MERTK: variants seen among roughly 807,000 people sequenced by gnomAD.
MERTK encodes the protein tyrosine-protein kinase Mer.
MERTK carries 69 observed loss-of-function variants against 99.3 expected under a neutral mutation model. The observed-to-expected ratio is 0.70, with a 90% confidence interval of 0.57 to 0.85. The LOEUF is 0.85. Among genes scored for constraint, MERTK ranks in the 40% least tolerant of loss-of-function variants. MERTK has a pLI of 0.00. For missense variants in MERTK, 1,125 were observed against 1,249.4 expected (o/e 0.90, Z 1.50); for synonymous variants, 426 against 467.6 (o/e 0.91, Z 1.15).
At chr2:111,956,716 G>A (rs1373478686) in intron 4 of MERTK, among the ~76,000 whole-genome samples, 1 of 152,144 alleles carries the variant, frequency 6.6e-6, no homozygotes, top group East Asian at 1.9e-4. Flanking sequence ...CTGATGTGCA[G>A]TGGCGTGATC....
chr2:112,020,732 G>A lies in MERTK; in HGVS notation c.2190-690G>A, dbSNP rs987074152. On this transcript the variant is annotated intron_variant, in intron 16 of 18. Coordinates refer to ENST00000295408, the MANE Select transcript of MERTK (RefSeq NM_006343.3). ...CAGTGCTGCTTCCAGACCTCTGGGA[G>A]GAAGGCTGCTGGGGTCCTGGATCAG... 1.7e-5 allele frequency: 8 copies of A among 468,828 alleles called. 1 individual carries two copies. In the Admixed American group the frequency reaches 1.9e-4, roughly 11 times the overall value. 29.0% of individuals were successfully genotyped at this position (468,828 alleles called of 1,614,324 possible).
chr2:111,968,097 T>A (rs139569463), intron 5 of MERTK, 40 bp from the exon 6 acceptor site: 1 of 800,054 alleles, frequency 1.2e-6, no homozygotes, highest in Non-Finnish European at 1.8e-6. Context: ...ATAATTGTGT[T>A]TGTGTGTGTA....
chr2:111,985,754 G>T (rs1051386184), intron 8 of MERTK, among the ~76,000 whole-genome samples: 1 of 152,018 alleles, frequency 6.6e-6, no homozygotes, highest in African/African-American at 2.4e-5. Context: ...AGAACAGCAC[G>T]GGAAAACCCC....
At position 111,997,495 on chromosome 2, in the gene MERTK, A is replaced by T. The variant is rs755544970; in HGVS notation, c.1604+19A>T. On this transcript the variant is annotated intron_variant, in intron 10 of 18. Coordinates refer to ENST00000295408, the MANE Select transcript of MERTK (RefSeq NM_006343.3). ...AGTTTGGGTAAGTCTCCCAGCTAAAAATGTTTGCCCACTGGTATTGACAAG... is the reference window on the plus strand; with the variant it reads ...AGTTTGGGTAAGTCTCCCAGCTAAATATGTTTGCCCACTGGTATTGACAAG... 3 of 1,612,054 alleles carry T rather than the reference A, an allele frequency of 1.9e-6. No homozygotes were observed. In the South Asian group the frequency reaches 3.3e-5, roughly 18 times the overall value.
rs778452635 is a variant in MERTK, at chr2:111,929,100, T to G, written c.62-20T>G. On this transcript the variant is annotated intron_variant, in intron 1 of 18. Coordinates refer to ENST00000295408, the MANE Select transcript of MERTK (RefSeq NM_006343.3). ...CTCTTCTTATTTAAAAGGCTAAAAT[T>G]TGGATGTTCTGTTTTACAGCTATCA... is the stretch of plus-strand genomic sequence containing the variant. The G allele has an allele frequency of 2.5e-6, 4 of 1,613,972 alleles. No homozygotes were observed. In the African/African-American group the frequency reaches 5.3e-5, roughly 22 times the overall value.
chr2:111,985,343 C>CTGGGAAAGGAAGAGAAGG (rs1676454266), intron 8 of MERTK, among the ~76,000 whole-genome samples: 1 of 152,096 alleles, frequency 6.6e-6, no homozygotes, highest in Non-Finnish European at 1.5e-5. Context: ...CCCTTCCCAC[C>CTGGGAAAGGAAGAGAAGG]TGGGAAAGGA....
intron 1 of MERTK, among the ~76,000 whole-genome samples, chr2:111,928,679 T>A (rs1465798276): frequency 6.6e-6 from 1 of 152,004 alleles, no homozygotes; most frequent in Non-Finnish European, 1.5e-5. Flanking sequence ...AGAGACAGGT[T>A]TTTGCCATGT....
intron 15 of MERTK, among the ~76,000 whole-genome samples, chr2:112,015,315 A>G (rs1677195684): frequency 2.0e-5 from 3 of 152,148 alleles, no homozygotes; most frequent in Admixed American, 2.0e-4. Context: ...AGTGCTCCCC[A>G]TTCTTATTAG....
chr2:112,026,354 A>G (rs1175110776), intron 18 of MERTK, among the ~76,000 whole-genome samples: 5 of 152,230 alleles, frequency 3.3e-5, no homozygotes, highest in Non-Finnish European at 7.3e-5. Flanking sequence ...CTCCTAAGAC[A>G]TGAAATAAAT....
intron 2 of MERTK, among the ~76,000 whole-genome samples, chr2:111,933,875 C>T (rs1273802357): frequency 7.3e-6 from 1 of 137,726 alleles, no homozygotes; most frequent in Non-Finnish European, 1.6e-5. Context: ...CCCCCAGCCC[C>T]CCCACCCCAA....
chr2:111,932,221 G>A (rs1383083235), intron 2 of MERTK, among the ~76,000 whole-genome samples: 2 of 151,996 alleles, frequency 1.3e-5, no homozygotes, highest in African/African-American at 4.8e-5. Context: ...TTGCTCTGTC[G>A]CCCAGGCTGG....
At chr2:112,010,802 A>G (rs1377909805) in intron 15 of MERTK, among the ~76,000 whole-genome samples, 5 of 152,226 alleles carry the variant, frequency 3.3e-5, no homozygotes, top group Admixed American at 6.5e-5. Context: ...GACTGCGAGC[A>G]GGCGGTGTGT....
chr2:111,901,792 C>T (rs374747303), intron 1 of MERTK, among the ~76,000 whole-genome samples: 2 of 151,682 alleles, frequency 1.3e-5, no homozygotes, highest in Non-Finnish European at 2.9e-5. Flanking sequence ...TGGGCTCAAG[C>T]GATCTTCCCA....
In MERTK at chr2:112,008,436, A is replaced by G; in HGVS notation, c.1921A>G (p.Met641Val). 1 of 1,614,186 alleles carries G rather than the reference A, an allele frequency of 6.2e-7. No individual in the cohort carries two copies. Among genetic ancestry groups the G allele is most frequent in the Non-Finnish European group, 8.5e-7 (1 of 1,180,032 alleles). ...GGAGTTTCTCAGTGAGGCAGCGTGCATGAAAGACTTCAGCCACCCAAATGT... is the reference window on the plus strand; with the variant it reads ...GGAGTTTCTCAGTGAGGCAGCGTGCGTGAAAGACTTCAGCCACCCAAATGT... ...IEEFLSEAACMKDFSHPNVIR... is the reference protein window; with the variant it reads ...IEEFLSEAACVKDFSHPNVIR... The change falls in exon 14 of 19, where the codon ATG (methionine) becomes GTG (valine). Residue 641 changes from methionine to valine, a missense_variant. Met to Val is a conservative substitution (Grantham distance 21). Transcript: ENST00000295408.
rs1034703996 is a variant in MERTK, at chr2:111,919,012, G to C, written c.62-10108G>C. The stretch of plus-strand genomic sequence containing the variant: ...GAGCCCCAAAGGCTGGAGGGAAACT[G>C]TCTCATTTTACAGAAAGAGGAGAGT... On this transcript the variant is annotated intron_variant, in intron 1 of 18. Coordinates refer to ENST00000295408, the MANE Select transcript of MERTK (RefSeq NM_006343.3). Among the ~76,000 whole-genome samples, 4 of 152,198 alleles carry C rather than the reference G, an allele frequency of 2.6e-5. No homozygotes were observed. In the South Asian group the frequency reaches 6.2e-4, roughly 24 times the overall value.
At chr2:111,924,003 G>C (rs1161351270) in intron 1 of MERTK, among the ~76,000 whole-genome samples, 1 of 152,046 alleles carries the variant, frequency 6.6e-6, no homozygotes, top group South Asian at 2.1e-4. Context: ...GGGCTGGTGA[G>C]GTTATGCATT....
intron 14 of MERTK, among the ~76,000 whole-genome samples, chr2:112,009,349 G>T (rs191206724): frequency 2.6e-5 from 4 of 152,214 alleles, no homozygotes; most frequent in Non-Finnish European, 5.9e-5. Flanking sequence ...ATGGGATCAG[G>T]TGATAGCCTC....
rs1460505042 is a variant in MERTK at position 112,001,245 on chromosome 2, T to C, written c.1649T>C (p.Ile550Thr). Reference sequence around the variant, plus strand: ...GATTCTGAATTAGTGGTGAATTATATAGCAAAGAAATCCTTCTGTCGGCGA... The same window carrying C: ...GATTCTGAATTAGTGGTGAATTATACAGCAAAGAAATCCTTCTGTCGGCGA... ...EEDSELVVNY[I>T]AKKSFCRRAI... is the part of the protein sequence containing the mutation. Residue 550 changes from isoleucine (I) to threonine (T), a missense_variant, in exon 11 of 19, where the codon ATA becomes ACA. Physicochemically the swap from Ile to Thr is moderately conservative, Grantham distance 89 (BLOSUM62 -1). Coordinates refer to ENST00000295408, the MANE Select transcript of MERTK (RefSeq NM_006343.3). 4 of 1,613,870 alleles carry C rather than the reference T, an allele frequency of 2.5e-6. No individual in the cohort carries two copies. Among genetic ancestry groups the C allele is most frequent in the South Asian group, 1.1e-5 (1 of 91,080 alleles).
At position 111,929,488 on chromosome 2, in the gene MERTK, A is replaced by G; in HGVS notation, c.430A>G (p.Ile144Val). Residue 144 changes from isoleucine (I) to valine (V), a missense_variant, in exon 2 of 19, where the codon ATT becomes GTT. Physicochemically the swap from Ile to Val is conservative, Grantham distance 29. Coordinates refer to ENST00000295408, the MANE Select transcript of MERTK (RefSeq NM_006343.3). ...GGAATTGCTTGGGGCACATCATGCAATTACACAGTTTTATCCAGATGATGA... is the reference window on the plus strand; with the variant it reads ...GGAATTGCTTGGGGCACATCATGCAGTTACACAGTTTTATCCAGATGATGA... ...GKELLGAHHA[I>V]TQFYPDDEVT... 1.9e-6 allele frequency: 3 copies of G among 1,614,148 alleles called. No individual in the cohort carries two copies. The highest frequency in any genetic ancestry group is 2.5e-6 in the Non-Finnish European group (3 of 1,180,010).
Sources: allele counts gnomAD v4.1 joint callset (sites outside exome capture counted in the v4.1 genomes callset), GRCh38; gene constraint gnomAD v4.1.1; transcripts MANE v1.5; gene names NCBI Gene and HGNC (gene_info 2026-07-23, HGNC 2026-07-21).